Variants in WWOX observed in about 807,000 individuals in gnomAD.
WWOX encodes WW domain containing oxidoreductase.
WWOX carries 69 observed loss-of-function variants against 46.2 expected under a neutral mutation model. That is an observed-to-expected ratio of 1.49 (90% CI 1.23 to 1.82). The LOEUF is 1.82. WWOX is among the 40% of genes most tolerant of loss of function. WWOX has a pLI of 0.00. For synonymous variants in WWOX, 359 were observed against 202.6 expected, an observed-to-expected ratio of 1.77 and a Z score of -6.56; for missense variants, 919 against 542.6, an observed-to-expected ratio of 1.69 and a Z score of -6.89.
intron 8 of WWOX, among the ~76,000 whole-genome samples, chr16:78,736,183 G>T (rs761045987): frequency 2.0e-5 from 3 of 152,170 alleles, no homozygotes; most frequent in Admixed American, 6.5e-5. Flanking sequence ...TCTGGCTTCA[G>T]GTTTATCCTT....
At chr16:78,424,102 C>G (rs76185582) in intron 6 of WWOX, among the ~76,000 whole-genome samples, 9 of 106,074 alleles carry the variant, frequency 8.5e-5, no homozygotes, top group Non-Finnish European at 1.7e-4. Context: ...CTTTTCTTTT[C>G]TTTTCTTTTT....
chr16:78,474,169 A>C (rs1214241101), intron 8 of WWOX, among the ~76,000 whole-genome samples: 1 of 152,230 alleles, frequency 6.6e-6, no homozygotes, highest in African/African-American at 2.4e-5. Context: ...CTGAAATTTT[A>C]AGTGTTAACA....
intron 5 of WWOX, among the ~76,000 whole-genome samples, chr16:78,373,790 T>C (rs947930804): frequency 1.3e-5 from 2 of 152,202 alleles, no homozygotes; most frequent in Non-Finnish European, 2.9e-5. Context: ...TTTCTGAGCA[T>C]ATATATGTAT....
At chr16:78,583,543 C>A (rs1015295070) in intron 8 of WWOX, among the ~76,000 whole-genome samples, 2 of 152,182 alleles carry the variant, frequency 1.3e-5, no homozygotes, top group Non-Finnish European at 1.5e-5. Context: ...TGGGAAGATG[C>A]ACTTGGCAGC....
intron 5 of WWOX, among the ~76,000 whole-genome samples, chr16:78,381,801 A>C (rs1371241446): frequency 1.3e-5 from 2 of 152,136 alleles, no homozygotes; most frequent in African/African-American, 2.4e-5. Context: ...ATGGATAGAC[A>C]TATAGGTAGG....
chr16:78,797,101 C>A lies in WWOX; in HGVS notation c.1056+364349C>A, dbSNP rs1279441855. Among the ~76,000 whole-genome samples the A allele has an allele frequency of 7.9e-5, 12 of 152,062 alleles. 1 individual carries two copies. Among genetic ancestry groups the A allele is most frequent in the Admixed American group, 3.9e-4 (6 of 15,254 alleles). On this transcript the variant is annotated intron_variant, in intron 8 of 8. Transcript: ENST00000566780. ...TCAGCCTCCTAAAGTGTTGGGGTTG[C>A]AGGCGTGAGCCACTGTGCTGGGCCC...
chr16:78,112,227 G>T (rs2032533615), intron 3 of WWOX, among the ~76,000 whole-genome samples: 1 of 152,108 alleles, frequency 6.6e-6, no homozygotes, highest in Non-Finnish European at 1.5e-5. Flanking sequence ...GGAGTTTTAT[G>T]GTATTTTTCT....
chr16:78,707,769 G>A (rs570734059), intron 8 of WWOX, among the ~76,000 whole-genome samples: 4 of 152,010 alleles, frequency 2.6e-5, no homozygotes, highest in African/African-American at 9.6e-5. Flanking sequence ...TGTAGTCCCA[G>A]CTAGTTGGGA....
intron 8 of WWOX, among the ~76,000 whole-genome samples, chr16:79,111,627 G>A (rs932306078): frequency 6.6e-6 from 1 of 152,194 alleles, no homozygotes; most frequent in African/African-American, 2.4e-5. Flanking sequence ...CAATTGTCAA[G>A]AGACCAAAAA....
At chr16:78,745,509 G>A (rs531813077) in intron 8 of WWOX, among the ~76,000 whole-genome samples, 9 of 141,288 alleles carry the variant, frequency 6.4e-5, no homozygotes, top group African/African-American at 1.9e-4. Flanking sequence ...ATAGAGAGGG[G>A]TTTGTGGAAA....
chr16:78,487,216 CCTTTT>C (rs1366225914), intron 8 of WWOX, among the ~76,000 whole-genome samples: 2 of 151,480 alleles, frequency 1.3e-5, no homozygotes, highest in Non-Finnish European at 2.9e-5. Flanking sequence ...GTTTTTTTTC[CCTTTT>C]CTTTTTTTTT....
intron 8 of WWOX, among the ~76,000 whole-genome samples, chr16:78,685,578 C>A (rs987061053): frequency 7.9e-5 from 12 of 152,228 alleles, no homozygotes; most frequent in African/African-American, 2.7e-4. Flanking sequence ...AGTCAATCTG[C>A]CAGCAGTACG....
At chr16:78,627,136 C>T (rs956022923) in intron 8 of WWOX, among the ~76,000 whole-genome samples, 1 of 152,062 alleles carries the variant, frequency 6.6e-6, no homozygotes, top group Non-Finnish European at 1.5e-5. Flanking sequence ...AAAAATCATA[C>T]TAGAGCAGTA....
chr16:78,209,263 G>T (rs534226042), intron 5 of WWOX, among the ~76,000 whole-genome samples: 1 of 152,178 alleles, frequency 6.6e-6, no homozygotes, highest in Non-Finnish European at 1.5e-5. Context: ...GAGCTCTGCA[G>T]CCCGAAAAGA....
intron 8 of WWOX, chr16:78,551,402 C>T (rs1205438939): frequency 2.0e-5 from 3 of 152,072 alleles, no homozygotes; most frequent in Admixed American, 2.0e-4. Context: ...TTTACATTGA[C>T]CCAGTGTTGT....
At chr16:78,634,552 A>G (rs1160392512) in intron 8 of WWOX, among the ~76,000 whole-genome samples, 1 of 151,936 alleles carries the variant, frequency 6.6e-6, no homozygotes, top group African/African-American at 2.4e-5. Flanking sequence ...CTAAAAATAC[A>G]AAAATTAGCT....
chr16:78,425,667 C>T (rs2083058916), intron 7 of WWOX, among the ~76,000 whole-genome samples: 1 of 152,092 alleles, frequency 6.6e-6, no homozygotes, highest in Admixed American at 6.5e-5. Flanking sequence ...GTATTTTCAG[C>T]ATATTTGTTT....
chr16:78,995,332 T>C (rs1195857832), intron 8 of WWOX, among the ~76,000 whole-genome samples: 2 of 152,074 alleles, frequency 1.3e-5, no homozygotes, highest in African/African-American at 4.8e-5. Context: ...TCCCCTCTCC[T>C]GCCTACAGGT....
At chr16:78,422,756 TACAC>T (rs1326792750) in intron 6 of WWOX, among the ~76,000 whole-genome samples, 8 of 103,972 alleles carry the variant, frequency 7.7e-5, no homozygotes, top group African/African-American at 5.3e-4. Flanking sequence ...TACACATATA[TACAC>T]ATATATATAC....
Sources: gnomAD v4.1 joint callset for allele counts (sites outside exome capture counted in the v4.1 genomes callset) on GRCh38, gnomAD v4.1.1 for gene constraint, MANE v1.5 for transcripts, NCBI Gene and HGNC (gene_info 2026-07-23, HGNC 2026-07-21) for gene names.